Variants in CDH4 observed in about 807,000 individuals in gnomAD.
CDH4 encodes the protein cadherin 4.
Under a neutral mutation model 86.0 loss-of-function variants are expected in CDH4, and 33 were observed. The observed-to-expected ratio is 0.38, with a 90% confidence interval of 0.29 to 0.51. The LOEUF (loss-of-function observed/expected upper bound fraction) is 0.51, where lower values mean the gene tolerates loss of function less well. Among genes scored for constraint, CDH4 ranks in the 20% least tolerant of loss-of-function variants. The probability of loss-of-function intolerance (pLI) is 0.86; values close to 1 mark genes in which losing one functional copy is unlikely to be tolerated. For synonymous variants in CDH4, 555 were observed against 549.4 expected (o/e 1.01, Z -0.14); for missense variants, 1,114 against 1,307.4 (o/e 0.85, Z 2.28).
chr20:61,718,878 G>A (rs2087996607), intron 2 of CDH4: 1 of 470,968 alleles, frequency 2.1e-6, no homozygotes, highest in Admixed American at 2.4e-5. Flanking sequence ...GTCAGGCTGG[G>A]GATGGAACTC....
chr20:61,611,987 A>G (rs61404783), intron 2 of CDH4, among the ~76,000 whole-genome samples: 3,752 of 152,136 alleles, frequency 0.025, 175 homozygotes, highest in African/African-American at 0.082. Context: ...TCTTCAGCTC[A>G]TGCATTTTTC....
At chr20:61,534,809 G>A (rs1258554637) in intron 2 of CDH4, among the ~76,000 whole-genome samples, 1 of 120,452 alleles carries the variant, frequency 8.3e-6, no homozygotes, top group Non-Finnish European at 1.8e-5. Flanking sequence ...TCCTCAACCC[G>A]ACGGCCTCCC....
intron 6 of CDH4, among the ~76,000 whole-genome samples, chr20:61,866,089 C>T (rs950542386): frequency 6.6e-6 from 1 of 152,134 alleles, no homozygotes; most frequent in African/African-American, 2.4e-5. Flanking sequence ...GGAGGACCCT[C>T]AGTTGTTCTG....
intron 2 of CDH4, among the ~76,000 whole-genome samples, chr20:61,464,413 CGCT>C (rs1568854599): frequency 6.6e-6 from 1 of 152,154 alleles, no homozygotes; most frequent in Non-Finnish European, 1.5e-5. Flanking sequence ...AAGAAGTTAA[CGCT>C]GCTACTACAA....
chr20:61,550,126 A>C (rs1162406600), intron 2 of CDH4, among the ~76,000 whole-genome samples: 128 of 83,442 alleles, frequency 1.5e-3, no homozygotes, highest in East Asian at 1.9e-3. Context: ...AGGTTGCCTC[A>C]CTGGCCTCCC....
chr20:61,284,533 T>C (rs2084282746), intron 2 of CDH4, among the ~76,000 whole-genome samples: 1 of 152,236 alleles, frequency 6.6e-6, no homozygotes, highest in Non-Finnish European at 1.5e-5. Flanking sequence ...TTGTTTCGTA[T>C]AGTCCTGGTG....
chr20:61,608,774 T>C (rs895854841), intron 2 of CDH4, among the ~76,000 whole-genome samples: 9 of 152,160 alleles, frequency 5.9e-5, no homozygotes, highest in African/African-American at 2.2e-4. Context: ...CTGCCACGGG[T>C]ATCTGGAGGT....
intron 7 of CDH4, among the ~76,000 whole-genome samples, chr20:61,884,511 T>G (rs894260351): frequency 5.3e-5 from 8 of 150,850 alleles, no homozygotes; most frequent in Non-Finnish European, 1.2e-4. Context: ...ATGGCACCCC[T>G]TGGGGCTCCC....
intron 2 of CDH4, among the ~76,000 whole-genome samples, chr20:61,304,424 G>A (rs773363488): frequency 6.6e-6 from 1 of 152,102 alleles, no homozygotes; most frequent in African/African-American, 2.4e-5. Context: ...ATAATGGTCT[G>A]CGTGGTTGGC....
chr20:61,638,831 A>G (rs2086975671), intron 2 of CDH4, among the ~76,000 whole-genome samples: 1 of 152,146 alleles, frequency 6.6e-6, no homozygotes, highest in Non-Finnish European at 1.5e-5. Context: ...TGACCCTGAA[A>G]ACTGAAGCAC....
chr20:61,924,851 C>T (rs2055027398), intron 11 of CDH4, among the ~76,000 whole-genome samples: 1 of 152,248 alleles, frequency 6.6e-6, no homozygotes, highest in Admixed American at 6.5e-5. Flanking sequence ...TGAAATGCAT[C>T]TCAGTTTTGC....
At chr20:61,894,213 C>G (rs913621748) in intron 7 of CDH4, among the ~76,000 whole-genome samples, 3 of 152,178 alleles carry the variant, frequency 2.0e-5, no homozygotes, top group Non-Finnish European at 4.4e-5. Context: ...CCACCTCTGC[C>G]AGCTCAGGGA....
chr20:61,340,602 C>T (rs546675106), intron 2 of CDH4, among the ~76,000 whole-genome samples: 16 of 146,140 alleles, frequency 1.1e-4, no homozygotes, highest in African/African-American at 3.6e-4. Context: ...TTTTTTTTTT[C>T]AAGACAGTGT....
At chr20:61,543,917 A>G (rs1414915409) in intron 2 of CDH4, among the ~76,000 whole-genome samples, 1 of 152,234 alleles carries the variant, frequency 6.6e-6, no homozygotes, top group African/African-American at 2.4e-5. Context: ...TTCTAGAAAC[A>G]GCTCAGATTC....
Position 61,390,261 on chromosome 20 carries a change from G to A in CDH4, c.169+135324G>A, listed in dbSNP as rs113155201. 3.7e-4 allele frequency among the ~76,000 whole-genome samples: 43 copies of A among 116,882 alleles called. No homozygotes were observed. In the Middle Eastern group the frequency reaches 0.018, roughly 48 times the overall value. 76.7% of individuals were successfully genotyped at this position (116,882 alleles called of 152,430 possible). A position where few individuals can be genotyped will look rare whatever the true frequency, so the allele number is the denominator to read the frequency against. On this transcript the variant is annotated intron_variant, in intron 2 of 15. Coordinates refer to ENST00000614565, the MANE Select transcript of CDH4 (RefSeq NM_001794.5). ...TAGGAAACCCCAATTGGGTTCGTGC[G>A]GTCATAGGGTGCCCATAGTGCCGTG...
Position 61,933,136 on chromosome 20 carries a change from G to A in CDH4, c.2379+12G>A. ...GCGAGGAGGACCAGGTGAGACTGCG[G>A]CCCGCCCCCGCCTCCCCACGCGAGG... On this transcript the variant is annotated intron_variant, in intron 14 of 15. Coordinates refer to ENST00000614565, the MANE Select transcript of CDH4 (RefSeq NM_001794.5). 2 of 1,609,370 alleles carry A rather than the reference G, an allele frequency of 1.2e-6. No individual in the cohort carries two copies. Among genetic ancestry groups the A allele is most frequent in the African/African-American group, 1.3e-5 (1 of 75,014 alleles).
At chr20:61,422,365 A>G (rs2085182689) in intron 2 of CDH4, among the ~76,000 whole-genome samples, 1 of 130,644 alleles carries the variant, frequency 7.7e-6, no homozygotes, top group Non-Finnish European at 1.6e-5. Flanking sequence ...CAGAGGTTGC[A>G]GTGAGCCGAG....
chr20:61,926,742 G>A (rs966189883), intron 11 of CDH4, among the ~76,000 whole-genome samples: 13 of 152,190 alleles, frequency 8.5e-5, no homozygotes, highest in Non-Finnish European at 1.6e-4. Flanking sequence ...GCATGGTGGT[G>A]CACGCCTGTA....
intron 2 of CDH4, among the ~76,000 whole-genome samples, chr20:61,508,637 G>A (rs2085758590): frequency 6.6e-6 from 1 of 152,272 alleles, no homozygotes; most frequent in Non-Finnish European, 1.5e-5. Flanking sequence ...GGGCATCCAA[G>A]TGGCTTCTAA....
Sources: gnomAD v4.1 joint callset for allele counts (sites outside exome capture counted in the v4.1 genomes callset) on GRCh38, gnomAD v4.1.1 for gene constraint, MANE v1.5 for transcripts, NCBI Gene and HGNC (gene_info 2026-07-23, HGNC 2026-07-21) for gene names.